Variants in INSIG1 observed in about 807,000 individuals in gnomAD.
INSIG1 encodes the protein insulin-induced gene 1 protein.
In INSIG1, 14 loss-of-function variants were observed where a neutral mutation model predicts 26.5. That is an observed-to-expected ratio of 0.53 (90% CI 0.35 to 0.83). INSIG1 has a LOEUF of 0.83. Ranked by LOEUF, INSIG1 falls within the 40% of genes least tolerant of loss-of-function variation. The probability of loss-of-function intolerance (pLI) is 0.01; values close to 1 mark genes in which losing one functional copy is unlikely to be tolerated. For synonymous variants in INSIG1, 147 were observed against 153.3 expected (o/e 0.96, Z 0.30); for missense variants, 272 against 368.9 (o/e 0.74, Z 2.15).
intron 5 of INSIG1, among the ~76,000 whole-genome samples, chr7:155,307,278 T>C (rs1797961917): frequency 6.6e-6 from 1 of 152,226 alleles, no homozygotes; most frequent in South Asian, 2.1e-4. Context: ...CTCATGACTT[T>C]CTTACCTGTC....
At position 155,298,468 on chromosome 7, in the gene INSIG1, G is replaced by T; in HGVS notation, c.183G>T (p.Arg61Ser). ...HGAPDADPAP[R>S]GRSAAMSGPE... The stretch of plus-strand genomic sequence containing the variant: ...CCCCGGACGCTGACCCCGCGCCCAG[G>T]GGCCGCAGTGCTGCGATGAGCGGCC... The change falls in exon 2 of 6, where the codon AGG (arginine) becomes AGT (serine). Residue 61 changes from arginine to serine, a missense_variant. Arg to Ser is a moderately radical substitution (Grantham distance 110, BLOSUM62 -1). This residue lies in a region of INSIG1 where 161 missense variants were observed against 179.2 expected (regional missense o/e 0.90). Transcript: ENST00000340368. 1 of 1,559,570 alleles carries T rather than the reference G, an allele frequency of 6.4e-7. No homozygotes were observed.
Position 155,308,400 on chromosome 7 carries a change from GA to G in INSIG1, c.*136del. ...GGGCTGACTGTACAAATGACTCCTG[GA>G]AAAAACTCTTCACCTAGTCTAGAAT... On this transcript the variant is annotated 3_prime_UTR_variant, in exon 6 of 6. Transcript: ENST00000340368. 9.0e-7 allele frequency: 1 copy of G among 1,105,720 alleles called. No homozygotes were observed. The allele number at this position is 1,105,720 out of a possible 1,614,324, so 68.5% of individuals were successfully genotyped here. A position where few individuals can be genotyped will look rare whatever the true frequency, so the allele number is the denominator to read the frequency against.
In INSIG1 at chr7:155,302,903, T is replaced by C; in HGVS notation, c.804+57T>C. On this transcript the variant is annotated intron_variant, in intron 5 of 5. Transcript: ENST00000340368. The surrounding 1 kb of genome is among the most constrained non-coding windows in gnomAD (Gnocchi z 4.3). ...CTTGCGTCTCTTTACCTTGATAGAA[T>C]GACTTTACATGATACATTCAAATTT... is the stretch of plus-strand genomic sequence containing the variant. 1 of 1,124,094 alleles carries C rather than the reference T, an allele frequency of 8.9e-7. No homozygotes were observed. Among genetic ancestry groups the C allele is most frequent in the Non-Finnish European group, 1.4e-6 (1 of 738,046 alleles). 69.6% of individuals were successfully genotyped at this position (1,124,094 alleles called of 1,614,324 possible).
At chr7:155,306,767 G>A (rs74737165) in intron 5 of INSIG1, among the ~76,000 whole-genome samples, 1,686 of 152,300 alleles carry the variant, frequency 0.011, 25 homozygotes, top group African/African-American at 0.038. Context: ...ACGTGGCACC[G>A]TGCTTCTCAT....
chr7:155,308,215 CTTTT>C (rs745484895), intron 5 of INSIG1, 22 bp from the exon 6 acceptor site: 1 of 1,095,544 alleles, frequency 9.1e-7, no homozygotes, highest in Non-Finnish European at 1.3e-6. Context: ...TTTCTCTTTC[CTTTT>C]TTTTTTCCTT....
intron 5 of INSIG1, among the ~76,000 whole-genome samples, chr7:155,307,673 C>G: frequency 6.6e-6 from 1 of 152,150 alleles, no homozygotes; most frequent in African/African-American, 2.4e-5. Context: ...ATTGAGGGCA[C>G]ACAGAGCTTC....
chr7:155,301,455 T>C (rs1797782689), intron 2 of INSIG1, 111 bp from the exon 3 acceptor site: 1 of 983,886 alleles, frequency 1.0e-6, no homozygotes, highest in Admixed American at 2.7e-5. Flanking sequence ...GCTGATAATT[T>C]TTTCTAGGAA....
chr7:155,301,705 C>T lies in INSIG1; in HGVS notation c.537+15C>T. ...ACGCCAGTGCTGTATCCTTAATTTTCTGTGCTACGTCCAGAGTATCTTCTT... is the reference window on the plus strand; with the variant it reads ...ACGCCAGTGCTGTATCCTTAATTTTTTGTGCTACGTCCAGAGTATCTTCTT... On this transcript the variant is annotated intron_variant, in intron 3 of 5. Coordinates refer to ENST00000340368, the MANE Select transcript of INSIG1 (RefSeq NM_005542.6). 1 of 1,545,442 alleles carries T rather than the reference C, an allele frequency of 6.5e-7. No individual in the cohort carries two copies. The highest frequency in any genetic ancestry group is 8.8e-7 in the Non-Finnish European group (1 of 1,137,754).
intron 5 of INSIG1, among the ~76,000 whole-genome samples, chr7:155,305,157 A>T (rs182984838): frequency 6.6e-6 from 1 of 151,556 alleles, no homozygotes; most frequent in Non-Finnish European, 1.5e-5. Context: ...AAAAAAAAAA[A>T]AAAAACTGGA....
Position 155,308,290 on chromosome 7 carries a change from C to G in INSIG1, c.*20C>G, listed in dbSNP as rs139842668. The G allele has an allele frequency of 1.2e-6, 2 of 1,612,864 alleles. No individual in the cohort carries two copies. The highest frequency in any genetic ancestry group is 1.7e-6 in the Non-Finnish European group (2 of 1,179,150). On this transcript the variant is annotated 3_prime_UTR_variant, in exon 6 of 6. Transcript: ENST00000340368. ...GATTGAGTCTTCAAAACCACCGATT[C>G]TGAGAGCAAGGAAGATTTTGGAAGA...
In INSIG1 at chr7:155,309,961, A is replaced by G. The variant is rs1798040796; in HGVS notation, c.*1691A>G. ...CTTTAAAACAGACTTGATCACGCAC[A>G]CACAATAAGTCTTTCTCTCCGAAAC... On this transcript the variant is annotated 3_prime_UTR_variant, in exon 6 of 6. Transcript: ENST00000340368. The G allele has an allele frequency of 6.5e-6, 1 of 152,680 alleles. No individual in the cohort carries two copies. Among genetic ancestry groups the G allele is most frequent in the Non-Finnish European group, 1.5e-5 (1 of 68,044 alleles). The allele number at this position is 152,680 out of a possible 1,614,324, so 9.5% of individuals were successfully genotyped here.
At chr7:155,308,097 CAT>C (rs1797983533) in intron 5 of INSIG1, 142 bp from the exon 6 acceptor site, 3 of 574,426 alleles carry the variant, frequency 5.2e-6, no homozygotes, top group African/African-American at 3.7e-5. Flanking sequence ...GTTCTCTGCA[CAT>C]GTCCCACCTC....
chr7:155,305,258 T>C (rs895548901), intron 5 of INSIG1, among the ~76,000 whole-genome samples: 3 of 152,170 alleles, frequency 2.0e-5, no homozygotes, highest in Admixed American at 6.5e-5. Context: ...CCTACCACTG[T>C]TTTTATTCAT....
chr7:155,307,078 C>T (rs1797957156), intron 5 of INSIG1, among the ~76,000 whole-genome samples: 1 of 152,202 alleles, frequency 6.6e-6, no homozygotes, highest in Non-Finnish European at 1.5e-5. Flanking sequence ...GTTTTCTTTC[C>T]AGGTTGCTGC....
chr7:155,302,460 A>G lies in INSIG1; in HGVS notation c.704+43A>G. The G allele has an allele frequency of 6.6e-7, 1 of 1,510,552 alleles. No individual in the cohort carries two copies. Among genetic ancestry groups the G allele is most frequent in the Non-Finnish European group, 8.9e-7 (1 of 1,122,700 alleles). The allele number at this position is 1,510,552 out of a possible 1,614,324, so 93.6% of individuals were successfully genotyped here. ...AATATTGGCTTTGGAAAGCTTACTT[A>G]ACTTTCATTAAAACATCCACTAAGC... On this transcript the variant is annotated intron_variant, in intron 4 of 5. Transcript: ENST00000340368. This position sits in a 1 kb window ranked among gnomAD's most constrained non-coding sequence, Gnocchi z 4.3.
intron 5 of INSIG1, among the ~76,000 whole-genome samples, chr7:155,306,164 T>C (rs980155797): frequency 6.6e-6 from 1 of 152,052 alleles, no homozygotes; most frequent in Admixed American, 6.6e-5. Flanking sequence ...CGCACCTGGC[T>C]AATTTTTCTG....
intron 2 of INSIG1, 102 bp from the exon 3 acceptor site, chr7:155,301,464 A>T: frequency 9.3e-7 from 1 of 1,073,968 alleles, no homozygotes; most frequent in East Asian, 2.6e-5. Context: ...TTTTTCTAGG[A>T]AAAGGACTGG....
At chr7:155,305,247 G>C (rs886783274) in intron 5 of INSIG1, among the ~76,000 whole-genome samples, 1 of 151,538 alleles carries the variant, frequency 6.6e-6, no homozygotes, top group East Asian at 1.9e-4. Context: ...AGCCTAACCC[G>C]CCTACCACTG....
chr7:155,298,131 C>G, intron 1 of INSIG1, 128 bp from the exon 2 acceptor site: 1 of 672,418 alleles, frequency 1.5e-6, no homozygotes. Context: ...TGGCCCCGGG[C>G]GGGCGCACGG....
Sources: gnomAD v4.1 joint callset for allele counts (sites outside exome capture counted in the v4.1 genomes callset) on GRCh38, gnomAD v4.1.1 for gene constraint, gnomAD v4.1.1 regional missense constraint, Gnocchi (gnomAD v3.1) non-coding constraint, MANE v1.5 for transcripts, NCBI Gene and HGNC (gene_info 2026-07-23, HGNC 2026-07-21) for gene names.